The following ALDH3A2 variants were observed in gnomAD, a reference collection of about 807,000 sequenced individuals.
ALDH3A2 encodes aldehyde dehydrogenase 3 family member A2, also known as aldehyde dehydrogenase family 3 member A2.
A neutral mutation model predicts 51.3 loss-of-function variants in ALDH3A2; 36 were observed. The observed-to-expected ratio is 0.70, with a 90% CI of 0.54 to 0.93. The LOEUF (loss-of-function observed/expected upper bound fraction) is 0.93, where lower values mean the gene tolerates loss of function less well. ALDH3A2 is among the 40% of genes least tolerant of loss of function. The pLI is 0.00. For missense variants in ALDH3A2, 552 were observed against 603.1 expected, an observed-to-expected ratio of 0.92 and a Z score of 0.89; for synonymous variants, 199 against 219.8, an observed-to-expected ratio of 0.91 and a Z score of 0.84.
At chr17:19,652,700 C>G in intron 3 of ALDH3A2, 68 bp downstream of exon 3, 3 of 1,337,924 alleles carry the variant, frequency 2.2e-6, no homozygotes, top group South Asian at 2.3e-5. Context: ...TATTTTCTTG[C>G]TATTGCATGT....
In ALDH3A2 at chr17:19,651,653, A is replaced by G; in HGVS notation, c.260A>G (p.Asn87Ser). The G allele has an allele frequency of 6.2e-7, 1 of 1,614,242 alleles. No individual in the cohort carries two copies. The highest frequency in any genetic ancestry group is 8.5e-7 in the Non-Finnish European group (1 of 1,180,032). ...GTTACTGCTAAACCAGTTAAGAAGA[A>G]CGTGCTCACCATGCTGGATGAGGCC... ...EWVTAKPVKK[N>S]VLTMLDEAYI... Residue 87 changes from asparagine to serine, a missense_variant, in exon 2 of 10, where the codon AAC becomes AGC. Coordinates refer to ENST00000176643, the MANE Select transcript of ALDH3A2 (RefSeq NM_000382.3).
At chr17:19,673,178 G>A (rs538840502) in intron 9 of ALDH3A2, 2 of 1,614,176 alleles carry the variant, frequency 1.2e-6, no homozygotes, top group African/African-American at 2.7e-5. Flanking sequence ...GAGGAGAAAG[G>A]CCCTGTTGAT....
chr17:19,657,348 G>A (rs1182475091), intron 4 of ALDH3A2, among the ~76,000 whole-genome samples: 2 of 152,226 alleles, frequency 1.3e-5, no homozygotes, highest in Non-Finnish European at 2.9e-5. Context: ...TGAACATCTT[G>A]CAGGCAGAGC....
Position 19,651,798 on chromosome 17 carries a change from CTA to C in ALDH3A2, c.385+25_385+26del. 1 of 1,594,934 alleles carries C rather than the reference CTA, an allele frequency of 6.3e-7. No homozygotes were observed. Among genetic ancestry groups the C allele is most frequent in the Non-Finnish European group, 8.6e-7 (1 of 1,162,706 alleles). On this transcript the variant is annotated intron_variant, in intron 2 of 9. Coordinates refer to ENST00000176643, the MANE Select transcript of ALDH3A2 (RefSeq NM_000382.3). ...CTGCAGGTCTGGTGCCACCTTATGT[CTA>C]TATACCTTTTTAGGGAGGCTTATTT...
Position 19,652,606 on chromosome 17 carries a change from A to G in ALDH3A2, c.445A>G (p.Lys149Glu). 1.2e-6 allele frequency: 2 copies of G among 1,613,972 alleles called. No individual in the cohort carries two copies. The highest frequency in any genetic ancestry group is 1.1e-5 in the South Asian group (1 of 91,084). ...LSENTAKILA[K>E]LLPQYLDQDL... ...TGAAAATACAGCCAAGATCTTGGCAAAGCTTCTCCCTCAGTATTTAGACCA... is the reference window on the plus strand; with the variant it reads ...TGAAAATACAGCCAAGATCTTGGCAGAGCTTCTCCCTCAGTATTTAGACCA... The change falls in exon 3 of 10, where the codon AAG becomes GAG. Residue 149 changes from lysine (K) to glutamate (E), a missense_variant. Physicochemically the swap from Lys to Glu is moderately conservative, Grantham distance 56. Transcript: ENST00000176643.
In ALDH3A2 at chr17:19,652,688, T is replaced by C; in HGVS notation, c.471+56T>C. 2.1e-6 allele frequency: 3 copies of C among 1,415,182 alleles called. No individual in the cohort carries two copies. The Admixed American group carries it at 5.0e-5, about 24-fold the overall frequency. 87.7% of individuals were successfully genotyped at this position (1,415,182 alleles called of 1,614,324 possible). On this transcript the variant is annotated intron_variant, in intron 3 of 9. Transcript: ENST00000176643. ...TGTGTTTACTGTGGAAAACACACAT[T>C]TTATTTTCTTGCTATTGCATGTTAT...
At chr17:19,655,950 G>A (rs1374274977) in intron 3 of ALDH3A2, among the ~76,000 whole-genome samples, 6 of 152,236 alleles carry the variant, frequency 3.9e-5, no homozygotes, top group Non-Finnish European at 8.8e-5. Context: ...TCAGAATAGC[G>A]TGGGCTAAGC....
Position 19,652,551 on chromosome 17 carries a change from T to TG in ALDH3A2, c.391dup (p.Ala131GlyfsTer8). Reference sequence around the variant, plus strand: ...TCTACTTTTTACTTTATTTAGGAAATGCTGTGATTATAAAGCCTTCTGAAC... The same window carrying TG: ...TCTACTTTTTACTTTATTTAGGAAATGGCTGTGATTATAAAGCCTTCTGAAC... On this transcript the variant is annotated frameshift_variant, in exon 3 of 10. Transcript: ENST00000176643. LOFTEE classifies it high-confidence loss of function. 1 of 1,612,192 alleles carries TG rather than the reference T, an allele frequency of 6.2e-7. No individual in the cohort carries two copies. The highest frequency in any genetic ancestry group is 8.5e-7 in the Non-Finnish European group (1 of 1,178,256).
rs141152001 is a variant in ALDH3A2, at chr17:19,673,471, A to T, written c.1443+1515A>T. ...AGTGGCTCACGCCTGTAATCCTAGC[A>T]CTTTGGGAGGCCAAGGCAGGTGGAT... is the stretch of plus-strand genomic sequence containing the variant. On this transcript the variant is annotated intron_variant, in intron 9 of 9. Transcript: ENST00000176643. Among the ~76,000 whole-genome samples the T allele has an allele frequency of 2.0e-3, 307 of 151,894 alleles. 4 individuals are homozygous for T. The East Asian group carries it at 0.047, about 23-fold the overall frequency.
intron 2 of ALDH3A2, 152 bp from the exon 3 acceptor site, chr17:19,652,395 G>T: frequency 1.5e-6 from 1 of 648,202 alleles, no homozygotes; most frequent in East Asian, 2.7e-5. Flanking sequence ...GAGAAAGTGA[G>T]ATGAGCTCTT....
chr17:19,648,716 C>T, upstream of ALDH3A2: 3 of 558,450 alleles, frequency 5.4e-6, no homozygotes, highest in South Asian at 6.4e-5. Context: ...CGTGGGCCGC[C>T]CAGGCCAATA....
chr17:19,669,218 G>A (rs1000685296), intron 8 of ALDH3A2, among the ~76,000 whole-genome samples: 4 of 151,654 alleles, frequency 2.6e-5, no homozygotes, highest in Non-Finnish European at 4.4e-5. Context: ...CAGAAGAATC[G>A]CTTGAACCTG....
chr17:19,652,151 A>G (rs1326006982), intron 2 of ALDH3A2, among the ~76,000 whole-genome samples: 2 of 152,350 alleles, frequency 1.3e-5, no homozygotes, highest in East Asian at 3.9e-4. Flanking sequence ...CTATGAGAGT[A>G]ATGCTAGCTT....
chr17:19,652,424 T>A, intron 2 of ALDH3A2, 123 bp from the exon 3 acceptor site: 4 of 735,458 alleles, frequency 5.4e-6, no homozygotes, highest in Non-Finnish European at 9.7e-6. Context: ...TATGAGGATA[T>A]GCAGCATTGA....
intron 8 of ALDH3A2, among the ~76,000 whole-genome samples, chr17:19,668,537 C>T (rs900437144): frequency 6.6e-6 from 1 of 152,142 alleles, no homozygotes; most frequent in Admixed American, 6.5e-5. Context: ...CATGAGCCAC[C>T]ACATCTGGCC....
chr17:19,657,766 C>T lies in ALDH3A2; in HGVS notation c.702C>T (p.Tyr234=). 6.2e-7 allele frequency: 1 copy of T among 1,613,624 alleles called. No homozygotes were observed. The highest frequency in any genetic ancestry group is 8.5e-7 in the Non-Finnish European group (1 of 1,179,612). ...IVCRRITWGK[Y]MNCGQTCIAP... is the part of the protein sequence containing the mutation. ...TCAGACGCATAACCTGGGGAAAATA[C>T]ATGAATTGTGGCCAAACCTGCATTG... is the stretch of plus-strand genomic sequence containing the variant. Residue 234 remains tyrosine (Y), a synonymous_variant, in exon 5 of 10, where the codon TAC becomes TAT. Coordinates refer to ENST00000176643, the MANE Select transcript of ALDH3A2 (RefSeq NM_000382.3).
chr17:19,651,511 T>C (rs779382772), intron 1 of ALDH3A2, 36 bp from the exon 2 acceptor site: 2 of 1,548,160 alleles, frequency 1.3e-6, no homozygotes, highest in Middle Eastern at 1.7e-4. Context: ...GTATCATACT[T>C]ACTCTGCAAG....
chr17:19,657,801 A>G lies in ALDH3A2; in HGVS notation c.737A>G (p.Tyr246Cys), dbSNP rs747649145. ...GGCCAAACCTGCATTGCACCCGACT[A>G]TATTCTCTGTGAAGCATCCCTCCAA... ...NCGQTCIAPD[Y>C]ILCEASLQNQ... Residue 246 changes from tyrosine to cysteine, a missense_variant, in exon 5 of 10, where the codon TAT (tyrosine) becomes TGT (cysteine). Transcript: ENST00000176643. 13 of 1,614,078 alleles carry G rather than the reference A, an allele frequency of 8.1e-6. No homozygotes were observed. The highest frequency in any genetic ancestry group is 1.1e-5 in the Non-Finnish European group (13 of 1,179,948).
In ALDH3A2 at chr17:19,663,601, G is replaced by C. The variant is rs2152330757; in HGVS notation, c.1107+102G>C. The C allele has an allele frequency of 4.3e-6, 6 of 1,385,994 alleles. No homozygotes were observed. The East Asian group carries it at 1.4e-4, about 33-fold the overall frequency. 85.9% of individuals were successfully genotyped at this position (1,385,994 alleles called of 1,614,324 possible). On this transcript the variant is annotated intron_variant, in intron 7 of 9. Transcript: ENST00000176643. ...CAAAAAACAATGTGAAACAATGATG[G>C]TTTCTTTTGTGTCATGTCAGAGTCC...
Sources: gnomAD v4.1 joint callset for allele counts (sites outside exome capture counted in the v4.1 genomes callset) on GRCh38, gnomAD v4.1.1 for gene constraint, MANE v1.5 for transcripts, NCBI Gene and HGNC (gene_info 2026-07-23, HGNC 2026-07-21) for gene names.